NTSR2: variants seen among roughly 807,000 people sequenced by gnomAD.
NTSR2 encodes neurotensin receptor 2, also known as neurotensin receptor type 2.
A neutral mutation model predicts 24.1 loss-of-function variants in NTSR2; 22 were observed. That is an observed-to-expected ratio of 0.91 (90% CI 0.65 to 1.30). NTSR2 has a LOEUF of 1.30. Among genes scored for constraint, NTSR2 ranks in the 50% most tolerant of loss-of-function variants. The pLI is 0.00. For synonymous variants in NTSR2, 291 were observed against 267.0 expected, an observed-to-expected ratio of 1.09 and a Z score of -0.88; for missense variants, 570 against 570.4, an observed-to-expected ratio of 1.00 and a Z score of 0.01.
At chr2:11,664,586 G>A (rs1328571450) in intron 1 of NTSR2, among the ~76,000 whole-genome samples, 1 of 152,142 alleles carries the variant, frequency 6.6e-6, no homozygotes, top group Non-Finnish European at 1.5e-5. Flanking sequence ...AATTTAGTTT[G>A]TTGACGAACC....
intron 1 of NTSR2, 46 bp downstream of exon 1, chr2:11,669,460 G>GGGGGGGGGGGGGGCCCCCCCCCCCCCCC: frequency 8.6e-5 from 22 of 254,712 alleles, no homozygotes; most frequent in East Asian, 1.1e-4. Flanking sequence ...TCCCAGCACC[G>GGGGGGGGGGGGGGCCCCCCCCCCCCCCC]CCCCCCCACC....
chr2:11,659,032 T>C (rs1425451826), intron 3 of NTSR2, among the ~76,000 whole-genome samples: 3 of 152,172 alleles, frequency 2.0e-5, no homozygotes, highest in Non-Finnish European at 2.9e-5. Flanking sequence ...TTTGTATTTT[T>C]AGTAGAGACG....
In NTSR2 at chr2:11,669,921, T is replaced by C; in HGVS notation, c.209A>G (p.His70Arg). Reference protein sequence around the residue: ...ARAGRAGRLRHHVLSLALAGL... With the variant: ...ARAGRAGRLRRHVLSLALAGL... Reference sequence around the variant, plus strand: ...CGCGAGCGCCAGGCTGAGCACGTGGTGGCGCAGGCGCCCCGCGCGCCCGGC... The same window carrying C: ...CGCGAGCGCCAGGCTGAGCACGTGGCGGCGCAGGCGCCCCGCGCGCCCGGC... Residue 70 changes from histidine (H) to arginine (R), a missense_variant, in exon 1 of 4, where the codon CAC (histidine) becomes CGC (arginine). Coordinates refer to ENST00000306928, the MANE Select transcript of NTSR2 (RefSeq NM_012344.4). The C allele has an allele frequency of 2.6e-6, 4 of 1,542,686 alleles. No individual in the cohort carries two copies. The highest frequency in any genetic ancestry group is 3.5e-6 in the Non-Finnish European group (4 of 1,150,710).
intron 1 of NTSR2, among the ~76,000 whole-genome samples, chr2:11,665,065 T>TTTG (rs1661165778): frequency 7.5e-6 from 1 of 132,602 alleles, no homozygotes; most frequent in South Asian, 2.4e-4. Context: ...GTTTTTTTTT[T>TTTG]TTTTTTTTTT....
chr2:11,667,468 T>C (rs1661230038), intron 1 of NTSR2, among the ~76,000 whole-genome samples: 1 of 152,108 alleles, frequency 6.6e-6, no homozygotes, highest in African/African-American at 2.4e-5. Flanking sequence ...TGCCTCAGGC[T>C]CCTCAACAGC....
At chr2:11,658,844 G>T in intron 3 of NTSR2, 122 bp from the exon 4 acceptor site, 1 of 1,147,052 alleles carries the variant, frequency 8.7e-7, no homozygotes, top group Non-Finnish European at 1.2e-6. Context: ...CTGCTATCAG[G>T]AAGCACAGTG....
At chr2:11,664,376 G>A (rs530888464) in intron 1 of NTSR2, among the ~76,000 whole-genome samples, 6 of 152,216 alleles carry the variant, frequency 3.9e-5, no homozygotes, top group African/African-American at 1.2e-4. Flanking sequence ...CCTTGGCTTC[G>A]CAAAGTGCTG....
intron 1 of NTSR2, among the ~76,000 whole-genome samples, chr2:11,668,338 AG>A (rs1661248787): frequency 1.3e-5 from 2 of 152,124 alleles, no homozygotes; most frequent in African/African-American, 4.8e-5. Context: ...AGGAAGAGAG[AG>A]GGGACTTTAG....
Position 11,669,557 on chromosome 2 carries a change from C to G in NTSR2, c.573G>C (p.Ser191=). The G allele has an allele frequency of 6.4e-7, 1 of 1,556,494 alleles. No homozygotes were observed. The highest frequency in any genetic ancestry group is 8.6e-7 in the Non-Finnish European group (1 of 1,159,794). ...GGCTCACCAGCACCGTGCACACTCG[C>G]GAGGCGGGCTCCGGCTCCCCGTCCG... The part of the protein sequence containing the change: ...ETADGEPEPA[S]RVCTVLVSRT... Residue 191 remains serine, a synonymous_variant, in exon 1 of 4, where the codon TCG becomes TCC. Coordinates refer to ENST00000306928, the MANE Select transcript of NTSR2 (RefSeq NM_012344.4).
chr2:11,669,911 G>A lies in NTSR2; in HGVS notation c.219C>T (p.Leu73=). The change falls in exon 1 of 4, where the codon CTC becomes CTT. Residue 73 remains leucine (L), a synonymous_variant. Coordinates refer to ENST00000306928, the MANE Select transcript of NTSR2 (RefSeq NM_012344.4). ...GRAGRLRHHV[L]SLALAGLLLL... Reference sequence around the variant, plus strand: ...GCAGCAGGCCCGCGAGCGCCAGGCTGAGCACGTGGTGGCGCAGGCGCCCCG... The same window carrying A: ...GCAGCAGGCCCGCGAGCGCCAGGCTAAGCACGTGGTGGCGCAGGCGCCCCG... 1.3e-6 allele frequency: 2 copies of A among 1,558,990 alleles called. No homozygotes were observed. The highest frequency in any genetic ancestry group is 1.7e-6 in the Non-Finnish European group (2 of 1,158,712).
In NTSR2 at chr2:11,667,634, T is replaced by C. The variant is rs549684120; in HGVS notation, c.624+1872A>G. On this transcript the variant is annotated intron_variant, in intron 1 of 3. Coordinates refer to ENST00000306928, the MANE Select transcript of NTSR2 (RefSeq NM_012344.4). ...TGCTGAGATTACAGGCTTGAGCTAC[T>C]GCACCGAGCCTTATAAACTTTTAAA... Among the ~76,000 whole-genome samples, 17 of 152,324 alleles carry C rather than the reference T, an allele frequency of 1.1e-4. 1 individual carries two copies. The South Asian group carries it at 3.5e-3, about 32-fold the overall frequency.
chr2:11,665,505 A>C (rs1427315183), intron 1 of NTSR2: 1 of 152,236 alleles, frequency 6.6e-6, no homozygotes, highest in Non-Finnish European at 1.5e-5. Flanking sequence ...GATCTGCCCA[A>C]GGCTTCAAAG....
intron 1 of NTSR2, chr2:11,665,898 G>C (rs1430531869): frequency 1.3e-5 from 2 of 155,446 alleles, no homozygotes; most frequent in Non-Finnish European, 2.9e-5. Flanking sequence ...CTACTTTGCA[G>C]TCCTCAGATT....
At chr2:11,666,586 CT>C (rs1486608680) in intron 1 of NTSR2, among the ~76,000 whole-genome samples, 1 of 152,112 alleles carries the variant, frequency 6.6e-6, no homozygotes, top group Non-Finnish European at 1.5e-5. Context: ...GTAGTCTCAG[CT>C]ACTTGGGAGG....
intron 2 of NTSR2, among the ~76,000 whole-genome samples, chr2:11,661,275 C>T (rs994354865): frequency 6.6e-6 from 1 of 152,230 alleles, no homozygotes; most frequent in Admixed American, 6.5e-5. Flanking sequence ...TGGACATCAA[C>T]TTTTTCAATG....
chr2:11,667,289 C>A (rs1245339819), intron 1 of NTSR2, among the ~76,000 whole-genome samples: 1 of 152,244 alleles, frequency 6.6e-6, no homozygotes, highest in Non-Finnish European at 1.5e-5. Flanking sequence ...TCTCCAGCCT[C>A]TTTCCCCTTC....
chr2:11,660,229 G>A, intron 2 of NTSR2, 96 bp from the exon 3 acceptor site: 1 of 923,906 alleles, frequency 1.1e-6, no homozygotes, highest in African/African-American at 1.6e-5. Context: ...CGAGGGGATA[G>A]CAGCATTTCC....
Position 11,669,820 on chromosome 2 carries a change from CG to C in NTSR2, c.309del (p.Phe103LeufsTer22). On this transcript the variant is annotated frameshift_variant, in exon 1 of 4. Coordinates refer to ENST00000306928, the MANE Select transcript of NTSR2 (RefSeq NM_012344.4). LOFTEE classifies it high-confidence loss of function. ...SFVWFHYPWV[F>X]GDLGCRGYYF... ...TAGTAGCCGCGGCAGCCCAGGTCGC[CG>C]AAGACCCAGGGGTAGTGGAACCACA... The C allele has an allele frequency of 6.4e-7, 1 of 1,573,614 alleles. No individual in the cohort carries two copies. The highest frequency in any genetic ancestry group is 8.6e-7 in the Non-Finnish European group (1 of 1,166,800).
chr2:11,660,890 T>G (rs1402044325), intron 2 of NTSR2, among the ~76,000 whole-genome samples: 1 of 152,180 alleles, frequency 6.6e-6, no homozygotes, highest in Middle Eastern at 3.2e-3. Context: ...CCTTTCTATA[T>G]CCAGTCTATT....
Sources: gnomAD v4.1 joint callset for allele counts (sites outside exome capture counted in the v4.1 genomes callset) on GRCh38, gnomAD v4.1.1 for gene constraint, MANE v1.5 for transcripts, NCBI Gene and HGNC (gene_info 2026-07-23, HGNC 2026-07-21) for gene names.